Variants in PDE1A observed in about 807,000 individuals in gnomAD.
The protein encoded by PDE1A is dual specificity calcium/calmodulin-dependent 3',5'-cyclic nucleotide phosphodiesterase 1A.
A neutral mutation model predicts 61.7 loss-of-function variants in PDE1A; 35 were observed. The observed-to-expected ratio is 0.57, with a 90% CI of 0.43 to 0.75. The LOEUF (loss-of-function observed/expected upper bound fraction) is 0.75. Among genes scored for constraint, PDE1A ranks in the 30% least tolerant of loss-of-function variants. The pLI is 0.00. For missense variants in PDE1A, 597 were observed against 630.6 expected (o/e 0.95, Z 0.57); for synonymous variants, 232 against 213.2 (o/e 1.09, Z -0.77).
chr2:182,561,964 A>C, the PDE1A span, among the ~76,000 whole-genome samples: 5 of 151,940 alleles, frequency 3.3e-5, no homozygotes, highest in Non-Finnish European at 5.9e-5. Context: ...GGGCTGAGAC[A>C]ATGGTGTTTT....
intron 2 of PDE1A, among the ~76,000 whole-genome samples, chr2:182,516,047 T>C (rs1347231809): frequency 6.6e-6 from 1 of 151,690 alleles, no homozygotes; most frequent in African/African-American, 2.4e-5. Flanking sequence ...TCTTCTGGTA[T>C]AGAAGGCATG....
intron 1 of PDE1A, among the ~76,000 whole-genome samples, chr2:182,299,142 T>C (rs958618645): frequency 6.6e-6 from 1 of 151,792 alleles, no homozygotes; most frequent in Non-Finnish European, 1.5e-5. Context: ...AAATACATAT[T>C]TTAAGGTGTG....
chr2:182,227,945 C>A (rs1397203888), intron 6 of PDE1A, among the ~76,000 whole-genome samples: 1 of 152,094 alleles, frequency 6.6e-6, no homozygotes, highest in Non-Finnish European at 1.5e-5. Context: ...TCCAAAGGAA[C>A]TAGATTTACA....
chr2:182,566,322 G>A, the PDE1A span, among the ~76,000 whole-genome samples: 1 of 151,628 alleles, frequency 6.6e-6, no homozygotes, highest in Admixed American at 6.6e-5. Context: ...TTCTAATACT[G>A]TAATTTTTAA....
intron 6 of PDE1A, among the ~76,000 whole-genome samples, chr2:182,229,102 C>A (rs895556830): frequency 1.3e-5 from 2 of 152,056 alleles, no homozygotes; most frequent in African/African-American, 4.8e-5. Context: ...TAATATGACA[C>A]CCACATCTCT....
the PDE1A span, among the ~76,000 whole-genome samples, chr2:182,552,848 A>G: frequency 6.6e-6 from 1 of 152,106 alleles, no homozygotes; most frequent in Non-Finnish European, 1.5e-5. Flanking sequence ...AAATCTTGCA[A>G]CTGCACTCTT....
chr2:182,601,842 T>C, the PDE1A span, among the ~76,000 whole-genome samples: 1 of 152,186 alleles, frequency 6.6e-6, no homozygotes, highest in Non-Finnish European at 1.5e-5. Flanking sequence ...TGCTCATCTC[T>C]AGCTGAGCCC....
At chr2:182,648,091 G>C in the PDE1A span, among the ~76,000 whole-genome samples, 1 of 151,976 alleles carries the variant, frequency 6.6e-6, no homozygotes, top group Non-Finnish European at 1.5e-5. Flanking sequence ...ACTAAACCAT[G>C]GTATATTGGA....
chr2:182,417,771 T>C (rs16823199), intron 1 of PDE1A, among the ~76,000 whole-genome samples: 8,727 of 152,158 alleles, frequency 0.057, 810 homozygotes, highest in African/African-American at 0.2. Context: ...ATCAGACAGC[T>C]TGTAGGAATA....
chr2:182,514,233 T>C (rs1325339567), intron 2 of PDE1A, among the ~76,000 whole-genome samples: 4 of 152,312 alleles, frequency 2.6e-5, no homozygotes, highest in Admixed American at 6.5e-5. Context: ...AGAATCAACA[T>C]TGCTAAAATA....
the PDE1A span, among the ~76,000 whole-genome samples, chr2:182,688,018 T>TGGGACTATG: frequency 2.1e-3 from 319 of 152,224 alleles, 2 homozygotes; most frequent in African/African-American, 7.3e-3. Flanking sequence ...CCAAGAAATA[T>TGGGACTATG]GGGACTATGT....
At chr2:182,675,295 T>C in the PDE1A span, among the ~76,000 whole-genome samples, 34 of 152,304 alleles carry the variant, frequency 2.2e-4, no homozygotes, top group East Asian at 6.0e-3. Context: ...TCTCATTGTT[T>C]TTTATGGCTG....
At chr2:182,606,145 G>GGTAT in the PDE1A span, among the ~76,000 whole-genome samples, 2 of 152,092 alleles carry the variant, frequency 1.3e-5, no homozygotes, top group East Asian at 1.9e-4. Flanking sequence ...TACTCCCCAA[G>GGTAT]GTATGTATGT....
chr2:182,199,777 AT>A (rs1245511458), intron 10 of PDE1A, among the ~76,000 whole-genome samples: 1 of 152,192 alleles, frequency 6.6e-6, no homozygotes, highest in East Asian at 1.9e-4. Context: ...GGACCAAAAT[AT>A]TTGAATTTAG....
chr2:182,200,988 G>T (rs1352646373), intron 10 of PDE1A, among the ~76,000 whole-genome samples: 1 of 152,012 alleles, frequency 6.6e-6, no homozygotes, highest in Non-Finnish European at 1.5e-5. Context: ...TTAGATTTTT[G>T]TTGTTGTTGT....
the PDE1A span, among the ~76,000 whole-genome samples, chr2:182,654,126 T>C: frequency 9.8e-5 from 15 of 152,298 alleles, no homozygotes; most frequent in Non-Finnish European, 1.8e-4. Flanking sequence ...TATGAAACTC[T>C]TGATTGATAG....
chr2:182,653,199 G>C, the PDE1A span, among the ~76,000 whole-genome samples: 3 of 152,126 alleles, frequency 2.0e-5, no homozygotes, highest in Admixed American at 1.3e-4. Flanking sequence ...TAATATAGCA[G>C]AGCTAATTTA....
rs1703553840 is a variant in PDE1A, at chr2:182,425,418, A to G, written c.53+1160T>C. ...TTTGGTTATTTACCAACATCATTGC[A>G]TAAGACACAAAAACATATTTAAGTA... On this transcript the variant is annotated intron_variant, in intron 1 of 13. Transcript: ENST00000351439. Among the ~76,000 whole-genome samples the G allele has an allele frequency of 6.6e-5, 10 of 152,236 alleles. No homozygotes were observed. In the South Asian group the frequency reaches 1.9e-3, roughly 28 times the overall value.
chr2:182,644,090 TTTG>T, the PDE1A span, among the ~76,000 whole-genome samples: 1 of 147,314 alleles, frequency 6.8e-6, no homozygotes, highest in Non-Finnish European at 1.5e-5. Context: ...TCATATTTAA[TTTG>T]TTAAGTCAGA....
Sources: gnomAD v4.1 joint callset for allele counts (sites outside exome capture counted in the v4.1 genomes callset) on GRCh38, gnomAD v4.1.1 for gene constraint, MANE v1.5 for transcripts, NCBI Gene and HGNC (gene_info 2026-07-23, HGNC 2026-07-21) for gene names.